Variants in KLF8 observed in about 807,000 individuals in gnomAD.
The protein encoded by KLF8 is KLF transcription factor 8, also known as Krueppel-like factor 8.
In KLF8, 10 loss-of-function variants were observed where a neutral mutation model predicts 18.2. The ratio of observed to expected loss-of-function variants is 0.55; its 90% CI spans 0.34 to 0.93. The LOEUF is 0.93. Ranked by LOEUF, KLF8 falls within the 40% of genes least tolerant of loss-of-function variation. KLF8 has a pLI of 0.02. For missense variants in KLF8, 264 were observed against 277.9 expected, an observed-to-expected ratio of 0.95 and a Z score of 0.36; for synonymous variants, 109 against 97.3, an observed-to-expected ratio of 1.12 and a Z score of -0.71.
the KLF8 span, among the ~76,000 whole-genome samples, chrX:56,180,923 A>C: frequency 2.7e-5 from 3 of 111,866 alleles, no homozygotes; most frequent in Non-Finnish European, 5.6e-5. Context: ...TGATGCTGAG[A>C]AGAATATATA....
the KLF8 span, among the ~76,000 whole-genome samples, chrX:56,123,745 G>A: frequency 8.9e-6 from 1 of 111,985 alleles, no homozygotes; most frequent in African/African-American, 3.2e-5. Flanking sequence ...AATAGATGCT[G>A]AACTAAAGAA....
chrX:56,202,659 C>T, the KLF8 span, among the ~76,000 whole-genome samples: 1 of 100,776 alleles, frequency 9.9e-6, no homozygotes, highest in Non-Finnish European at 2.0e-5. Context: ...ATTTTTAGAT[C>T]CCACAAATAA....
At chrX:56,063,570 C>T in the KLF8 span, among the ~76,000 whole-genome samples, 1 of 111,519 alleles carries the variant, frequency 9.0e-6, no homozygotes, top group African/African-American at 3.3e-5. Flanking sequence ...AGAAGGCAGC[C>T]AGAGCTCTCC....
chrX:56,215,126 TATTAAGTGCTCA>T, the KLF8 span, among the ~76,000 whole-genome samples: 12 of 111,971 alleles, frequency 1.1e-4, no homozygotes, highest in East Asian at 5.6e-4. Context: ...ACGCATCTCA[TATTAAGTGCTCA>T]ATTAAGTGCT....
At chrX:56,080,522 T>G in the KLF8 span, among the ~76,000 whole-genome samples, 1 of 111,838 alleles carries the variant, frequency 8.9e-6, no homozygotes, top group African/African-American at 3.3e-5. Context: ...AGATCCACTG[T>G]TAGTCTGATG....
the KLF8 span, among the ~76,000 whole-genome samples, chrX:56,056,233 G>A: frequency 9.1e-6 from 1 of 110,459 alleles, no homozygotes; most frequent in African/African-American, 3.3e-5. Flanking sequence ...CTAAGTTGCT[G>A]AACTTGGATT....
At chrX:56,163,328 C>A in the KLF8 span, among the ~76,000 whole-genome samples, 1 of 111,726 alleles carries the variant, frequency 9.0e-6, no homozygotes, top group Non-Finnish European at 1.9e-5. Flanking sequence ...TTTTCATTTG[C>A]ATTTCTGTAA....
the KLF8 span, among the ~76,000 whole-genome samples, chrX:56,026,171 T>G: frequency 2.7e-5 from 3 of 111,940 alleles, no homozygotes; most frequent in South Asian, 7.5e-4. Context: ...CCAGGATTCC[T>G]TCCGCCTTTA....
chrX:56,108,444 C>A, the KLF8 span, among the ~76,000 whole-genome samples: 1 of 111,816 alleles, frequency 8.9e-6, no homozygotes, highest in African/African-American at 3.2e-5. Context: ...GCTGTTTCTG[C>A]ATCAACTGAG....
the KLF8 span, among the ~76,000 whole-genome samples, chrX:56,072,675 A>C: frequency 8.9e-6 from 1 of 112,408 alleles, no homozygotes; most frequent in Non-Finnish European, 1.9e-5. Context: ...TAAAACATTC[A>C]TTCTGTAAAA....
the KLF8 span, among the ~76,000 whole-genome samples, chrX:56,114,052 C>T: frequency 8.9e-6 from 1 of 111,866 alleles, no homozygotes; most frequent in African/African-American, 3.2e-5. Flanking sequence ...TCTGTAAATC[C>T]CTGGCTGGAG....
At chrX:56,089,613 C>T in the KLF8 span, among the ~76,000 whole-genome samples, 28 of 112,077 alleles carry the variant, frequency 2.5e-4, no homozygotes, top group African/African-American at 9.1e-4. Flanking sequence ...CCAGGGCAAA[C>T]CAGTCTTCAA....
the KLF8 span, among the ~76,000 whole-genome samples, chrX:56,161,183 A>C: frequency 1.8e-5 from 2 of 111,888 alleles, no homozygotes; most frequent in Non-Finnish European, 1.9e-5. Context: ...TTCTGGGTTG[A>C]AAATTCTTTT....
At chrX:56,196,264 C>A in the KLF8 span, among the ~76,000 whole-genome samples, 1 of 110,883 alleles carries the variant, frequency 9.0e-6, no homozygotes, top group African/African-American at 3.3e-5. Context: ...GCTAAATGCC[C>A]CAATTAAAAG....
At chrX:55,946,802 C>G in the KLF8 span, among the ~76,000 whole-genome samples, 1 of 111,099 alleles carries the variant, frequency 9.0e-6, no homozygotes. Flanking sequence ...AAAAAACAAA[C>G]AACCCCATCA....
At chrX:55,925,354 G>A in the KLF8 span, among the ~76,000 whole-genome samples, 1 of 109,143 alleles carries the variant, frequency 9.2e-6, no homozygotes, top group Non-Finnish European at 1.9e-5. Context: ...ACATGTAAGG[G>A]TGCAAATGCA....
chrX:56,184,582 C>G, the KLF8 span, among the ~76,000 whole-genome samples: 1 of 112,263 alleles, frequency 8.9e-6, no homozygotes, highest in African/African-American at 3.2e-5. Context: ...CAAGTGCGTC[C>G]CTGACCCCGA....
chrX:55,954,618 G>C, the KLF8 span, among the ~76,000 whole-genome samples: 1 of 112,067 alleles, frequency 8.9e-6, no homozygotes, highest in South Asian at 3.6e-4. Context: ...CTTTGGAAAA[G>C]AGTTTGACAA....
the KLF8 span, among the ~76,000 whole-genome samples, chrX:56,099,022 G>T: frequency 9.0e-6 from 1 of 111,701 alleles, no homozygotes; most frequent in African/African-American, 3.2e-5. Flanking sequence ...TGAGTAACAA[G>T]ACATATGTCA....
Sources: gnomAD v4.1 joint callset for allele counts (sites outside exome capture counted in the v4.1 genomes callset) on GRCh38, gnomAD v4.1.1 for gene constraint, MANE v1.5 for transcripts, NCBI Gene and HGNC (gene_info 2026-07-23, HGNC 2026-07-21) for gene names.